Variants in PCSK2 observed in about 807,000 individuals in gnomAD.
The protein encoded by PCSK2 is proprotein convertase subtilisin/kexin type 2, also known as neuroendocrine convertase 2.
PCSK2 carries 14 observed loss-of-function variants against 69.7 expected under a neutral mutation model. The ratio of observed to expected loss-of-function variants is 0.20; its 90% CI spans 0.13 to 0.31. The LOEUF is 0.31. Among genes scored for constraint, PCSK2 ranks in the 10% least tolerant of loss-of-function variants. PCSK2 has a pLI of 1.00. For missense variants in PCSK2, 544 were observed against 842.5 expected (o/e 0.65, Z 4.39); for synonymous variants, 307 against 320.7 (o/e 0.96, Z 0.46).
chr20:17,403,664 G>A (rs915617983), intron 5 of PCSK2, among the ~76,000 whole-genome samples: 1 of 152,218 alleles, frequency 6.6e-6, no homozygotes, highest in African/African-American at 2.4e-5. Flanking sequence ...TGCCTTCAGG[G>A]AAAGTAGCAA....
At chr20:17,376,062 G>A (rs889766831) in intron 5 of PCSK2, among the ~76,000 whole-genome samples, 10 of 152,230 alleles carry the variant, frequency 6.6e-5, no homozygotes, top group South Asian at 6.2e-4. Flanking sequence ...CTCTGCCATC[G>A]CCATTAGAAG....
chr20:17,265,095 A>G (rs1246887338), intron 2 of PCSK2, among the ~76,000 whole-genome samples: 1 of 152,132 alleles, frequency 6.6e-6, no homozygotes, highest in African/African-American at 2.4e-5. Flanking sequence ...AACTCCTGAC[A>G]TCGGGTGATC....
intron 11 of PCSK2, among the ~76,000 whole-genome samples, chr20:17,472,158 T>C (rs2033212925): frequency 6.6e-6 from 1 of 152,168 alleles, no homozygotes; most frequent in Admixed American, 6.5e-5. Flanking sequence ...GAGTGACCTG[T>C]CTAACACAGC....
At chr20:17,242,830 A>T (rs1348115684) in intron 1 of PCSK2, among the ~76,000 whole-genome samples, 1 of 152,186 alleles carries the variant, frequency 6.6e-6, no homozygotes, top group Non-Finnish European at 1.5e-5. Context: ...CAAGCTGTCC[A>T]CCTCTCTAGT....
rs751979811 is a variant in PCSK2, at chr20:17,429,504, A to G, written c.690A>G (p.Ala230=). ...ANNNICGVGV[A]YNSKVAGIRM... is the part of the protein sequence containing the mutation. ...ACAATATCTGTGGAGTTGGAGTAGC[A>G]TACAACTCCAAGGTTGCAGGTAAGC... The change falls in exon 7 of 12, where the codon GCA becomes GCG. Residue 230 remains alanine (A), a synonymous_variant. Transcript: ENST00000262545. The G allele has an allele frequency of 3.7e-6, 6 of 1,612,306 alleles. No homozygotes were observed. Among genetic ancestry groups the G allele is most frequent in the Non-Finnish European group, 4.2e-6 (5 of 1,178,486 alleles).
At chr20:17,390,758 A>C (rs2031351058) in intron 5 of PCSK2, among the ~76,000 whole-genome samples, 1 of 152,220 alleles carries the variant, frequency 6.6e-6, no homozygotes, top group South Asian at 2.1e-4. Flanking sequence ...CAAACATTAC[A>C]GAAGTGTAGA....
At chr20:17,350,356 T>C (rs865851354) in intron 2 of PCSK2, among the ~76,000 whole-genome samples, 30 of 151,392 alleles carry the variant, frequency 2.0e-4, no homozygotes, top group Middle Eastern at 3.4e-3. Context: ...TAGCAACATG[T>C]TAGTTTTGTG....
intron 5 of PCSK2, among the ~76,000 whole-genome samples, chr20:17,371,760 T>G (rs2030771363): frequency 6.6e-6 from 1 of 152,068 alleles, no homozygotes; most frequent in Admixed American, 6.6e-5. Flanking sequence ...CAAAACATAA[T>G]TTTAAGGGCT....
chr20:17,431,923 G>T (rs1032281290), intron 7 of PCSK2, among the ~76,000 whole-genome samples: 9 of 152,212 alleles, frequency 5.9e-5, no homozygotes, highest in Non-Finnish European at 1.0e-4. Context: ...GGCTAAGGAG[G>T]TCTAAAGCGC....
intron 2 of PCSK2, among the ~76,000 whole-genome samples, chr20:17,293,159 A>C (rs1171816847): frequency 6.6e-6 from 1 of 152,222 alleles, no homozygotes; most frequent in East Asian, 1.9e-4. Context: ...TTGCTAATAC[A>C]TAGAAAAGCT....
intron 8 of PCSK2, among the ~76,000 whole-genome samples, chr20:17,440,374 T>G (rs2032571177): frequency 6.6e-6 from 1 of 152,118 alleles, no homozygotes; most frequent in Non-Finnish European, 1.5e-5. Context: ...TAACATATGG[T>G]TTCTTAAAAC....
In PCSK2 at chr20:17,483,241, T is replaced by C. The variant is rs1323329930; in HGVS notation, c.*1171T>C. 1 of 152,142 alleles carries C rather than the reference T, an allele frequency of 6.6e-6. No homozygotes were observed. Among genetic ancestry groups the C allele is most frequent in the Non-Finnish European group, 1.5e-5 (1 of 68,026 alleles). The allele number at this position is 152,142 out of a possible 1,614,324, so 9.4% of individuals were successfully genotyped here. A position where few individuals can be genotyped will look rare whatever the true frequency, so the allele number is the denominator to read the frequency against. On this transcript the variant is annotated 3_prime_UTR_variant, in exon 12 of 12. Coordinates refer to ENST00000262545, the MANE Select transcript of PCSK2 (RefSeq NM_002594.5). Reference sequence around the variant, plus strand: ...AGTTCTCCAGTTGTATGGAGCCTCTTCTGCCAAGAGAGGGCCATGCAATTC... The same window carrying C: ...AGTTCTCCAGTTGTATGGAGCCTCTCCTGCCAAGAGAGGGCCATGCAATTC...
At chr20:17,386,856 C>T (rs554613592) in intron 5 of PCSK2, among the ~76,000 whole-genome samples, 32 of 152,226 alleles carry the variant, frequency 2.1e-4, no homozygotes, top group African/African-American at 7.0e-4. Flanking sequence ...GATTTCCTCC[C>T]AACACTCCAA....
intron 5 of PCSK2, among the ~76,000 whole-genome samples, chr20:17,384,321 C>T (rs943582159): frequency 6.6e-6 from 1 of 151,666 alleles, no homozygotes; most frequent in Non-Finnish European, 1.5e-5. Context: ...GGCCTGGTGG[C>T]TCACACCTGT....
At chr20:17,262,573 G>GAT (rs1331420082) in intron 2 of PCSK2, among the ~76,000 whole-genome samples, 25 of 152,038 alleles carry the variant, frequency 1.6e-4, no homozygotes, top group African/African-American at 5.8e-4. Context: ...GGCATCTGCT[G>GAT]ATAGAAAAAT....
intron 3 of PCSK2, 152 bp from the exon 4 acceptor site, chr20:17,360,380 G>A: frequency 1.9e-6 from 1 of 535,604 alleles, no homozygotes; most frequent in Non-Finnish European, 3.3e-6. Flanking sequence ...TAGGTTGGGA[G>A]GGACACCCAA....
chr20:17,259,940 G>A (rs976293550), intron 1 of PCSK2, among the ~76,000 whole-genome samples: 1 of 152,030 alleles, frequency 6.6e-6, no homozygotes, highest in Non-Finnish European at 1.5e-5. Flanking sequence ...GTAAAGGCAA[G>A]GCTCCATGGA....
At chr20:17,371,529 C>A (rs2030763111) in intron 5 of PCSK2, among the ~76,000 whole-genome samples, 1 of 152,082 alleles carries the variant, frequency 6.6e-6, no homozygotes, top group Admixed American at 6.5e-5. Context: ...TTCTTAAGAA[C>A]ATTTTTCTGA....
intron 2 of PCSK2, among the ~76,000 whole-genome samples, chr20:17,297,120 T>C (rs1988920735): frequency 6.6e-6 from 1 of 152,200 alleles, no homozygotes; most frequent in South Asian, 2.1e-4. Flanking sequence ...AACAGGGTAT[T>C]GTATGCAGTG....
Sources: gnomAD v4.1 joint callset for allele counts (sites outside exome capture counted in the v4.1 genomes callset) on GRCh38, gnomAD v4.1.1 for gene constraint, MANE v1.5 for transcripts, NCBI Gene and HGNC (gene_info 2026-07-23, HGNC 2026-07-21) for gene names.